GAD1: variants seen among roughly 807,000 people sequenced by gnomAD.
GAD1 encodes glutamate decarboxylase 1.
Under a neutral mutation model 75.2 loss-of-function variants are expected in GAD1, and 35 were observed. The observed-to-expected ratio is 0.47, with a 90% CI of 0.36 to 0.62. GAD1 has a LOEUF of 0.62. Among genes scored for constraint, GAD1 ranks in the 20% least tolerant of loss-of-function variants. The pLI is 0.00. For missense variants in GAD1, 490 were observed against 758.5 expected (o/e 0.65, Z 4.16); for synonymous variants, 257 against 271.9 (o/e 0.95, Z 0.54).
intron 6 of GAD1, among the ~76,000 whole-genome samples, chr2:170,839,529 A>C (rs1045966366): frequency 6.6e-6 from 1 of 151,534 alleles, no homozygotes; most frequent in African/African-American, 2.4e-5. Flanking sequence ...CAGGAGAATC[A>C]CTTGAGCCTG....
rs1702209194 is a variant in GAD1, at chr2:170,831,122, T to C, written c.477T>C (p.Ser159=). The C allele has an allele frequency of 2.5e-6, 4 of 1,614,078 alleles. No individual in the cohort carries two copies. The Admixed American group carries it at 6.7e-5, about 27-fold the overall frequency. Residue 159 remains serine, a synonymous_variant, in exon 5 of 17, where the codon TCT becomes TCC. Coordinates refer to ENST00000358196, the MANE Select transcript of GAD1 (RefSeq NM_000817.3). ...TGGAGGGCTTCAACTTGGAGCTCTC[T>C]GACCACCCCGAGTCCCTGGAGCAGA... The part of the protein sequence containing the change: ...EGMEGFNLEL[S]DHPESLEQIL...
At chr2:170,847,193 A>T (rs1013895342) in intron 10 of GAD1, among the ~76,000 whole-genome samples, 1 of 152,250 alleles carries the variant, frequency 6.6e-6, no homozygotes, top group African/African-American at 2.4e-5. Flanking sequence ...TATAATTATT[A>T]TATCAATACA....
intron 12 of GAD1, among the ~76,000 whole-genome samples, chr2:170,852,191 A>C (rs1421754990): frequency 2.6e-5 from 4 of 152,188 alleles, no homozygotes; most frequent in Non-Finnish European, 5.9e-5. Flanking sequence ...CCCATCTAAA[A>C]CAGAGGTAAT....
At chr2:170,819,045 AAG>A (rs745699026) in intron 2 of GAD1, among the ~76,000 whole-genome samples, 1 of 152,138 alleles carries the variant, frequency 6.6e-6, no homozygotes, top group Non-Finnish European at 1.5e-5. Flanking sequence ...CAGCAGGAAT[AAG>A]AGTTTTCAGT....
At chr2:170,829,753 C>T (rs1396317804) in intron 4 of GAD1, 120 bp downstream of exon 4, 5 of 1,112,810 alleles carry the variant, frequency 4.5e-6, no homozygotes, top group East Asian at 5.1e-5. Flanking sequence ...TCTGAACCCA[C>T]ATGAAACTGC....
At chr2:170,840,028 A>T (rs529911429) in intron 6 of GAD1, among the ~76,000 whole-genome samples, 1 of 152,224 alleles carries the variant, frequency 6.6e-6, no homozygotes, top group Non-Finnish European at 1.5e-5. Flanking sequence ...CTCGTTTGTC[A>T]TGGAAAAGCA....
intron 3 of GAD1, chr2:170,829,274 T>C (rs1178082593): frequency 1.6e-6 from 1 of 612,486 alleles, no homozygotes; most frequent in Non-Finnish European, 2.9e-6. Flanking sequence ...ACTGGGCCTC[T>C]GCCACTGATG....
In GAD1 at chr2:170,821,849, G is replaced by A. The variant is rs202012039; in HGVS notation, c.83-238G>A. On this transcript the variant is annotated intron_variant, in intron 2 of 16. Coordinates refer to ENST00000358196, the MANE Select transcript of GAD1 (RefSeq NM_000817.3). ...GGCCCGGAGGGGCGCCGGGTGCCCC[G>A]CCTCTCAGAGACACCGTTCCATATT... 20 of 545,430 alleles carry A rather than the reference G, an allele frequency of 3.7e-5. No individual in the cohort carries two copies. In the East Asian group the frequency reaches 4.7e-4, roughly 13 times the overall value. The allele number at this position is 545,430 out of a possible 1,614,324, so 33.8% of individuals were successfully genotyped here.
intron 16 of GAD1, among the ~76,000 whole-genome samples, 155 bp downstream of exon 16, chr2:170,859,048 A>G (rs991901467): frequency 6.6e-6 from 1 of 152,098 alleles, no homozygotes; most frequent in Non-Finnish European, 1.5e-5. Flanking sequence ...CCATCCTGTT[A>G]TATTCCTCTT....
chr2:170,852,393 T>TA, intron 12 of GAD1: 1 of 394,250 alleles, frequency 2.5e-6, no homozygotes, highest in Non-Finnish European at 4.8e-6. Flanking sequence ...GACTCAGACT[T>TA]AAACAGTTTG....
intron 3 of GAD1, among the ~76,000 whole-genome samples, chr2:170,826,170 G>A (rs1456856572): frequency 6.6e-6 from 1 of 152,214 alleles, no homozygotes; most frequent in Non-Finnish European, 1.5e-5. Context: ...TTATAATGCA[G>A]TGTAAGTGTG....
rs777912966 is a variant in GAD1 at position 170,829,476 on chromosome 2, C to T, written c.147C>T (p.Gly49=). The T allele has an allele frequency of 1.2e-6, 2 of 1,611,972 alleles. No homozygotes were observed. The highest frequency in any genetic ancestry group is 1.3e-5 in the African/African-American group (1 of 74,848). The change falls in exon 4 of 17, where the codon GGC becomes GGT. Residue 49 remains glycine, a splice_region_variant and synonymous_variant. Coordinates refer to ENST00000358196, the MANE Select transcript of GAD1 (RefSeq NM_000817.3). ...CTRKLGLKIC[G]FLQRTNSLEE... ...TCTGACCAGCTTCTTGTGCCATAGG[C>T]TTCTTGCAAAGGACCAACAGCCTGG... is the stretch of plus-strand genomic sequence containing the variant.
chr2:170,853,767 A>G lies in GAD1; in HGVS notation c.1264-106A>G. 2.8e-6 allele frequency: 3 copies of G among 1,087,384 alleles called. No homozygotes were observed. The highest frequency in any genetic ancestry group is 4.2e-6 in the Non-Finnish European group (3 of 706,538). 67.4% of individuals were successfully genotyped at this position (1,087,384 alleles called of 1,614,324 possible). Reference sequence around the variant, plus strand: ...AGGCCTCATAAAGACATCAGAAGAAAGATTGCATATGACCCCAAGCCCCTC... The same window carrying G: ...AGGCCTCATAAAGACATCAGAAGAAGGATTGCATATGACCCCAAGCCCCTC... On this transcript the variant is annotated intron_variant, in intron 13 of 16. Coordinates refer to ENST00000358196, the MANE Select transcript of GAD1 (RefSeq NM_000817.3). This position sits in a 1 kb window ranked among gnomAD's most constrained non-coding sequence, Gnocchi z 4.1.
At chr2:170,822,621 A>G (rs1008535278) in intron 3 of GAD1, among the ~76,000 whole-genome samples, 2 of 152,180 alleles carry the variant, frequency 1.3e-5, no homozygotes, top group African/African-American at 2.4e-5. Context: ...CCCATCCCCT[A>G]CATCATCGCC....
intron 11 of GAD1, among the ~76,000 whole-genome samples, chr2:170,848,279 CCT>C (rs1441703059): frequency 6.6e-6 from 1 of 152,092 alleles, no homozygotes; most frequent in Non-Finnish European, 1.5e-5. Flanking sequence ...AGGTGGATCA[CCT>C]GAGGTCAGGA....
chr2:170,847,650 C>A, intron 10 of GAD1, 26 bp from the exon 11 acceptor site: 1 of 1,406,204 alleles, frequency 7.1e-7, no homozygotes, highest in South Asian at 1.2e-5. Context: ...AAATACTCAT[C>A]AGCCTATATC....
chr2:170,853,628 T>C lies in GAD1; in HGVS notation c.1264-245T>C. 1 of 487,600 alleles carries C rather than the reference T, an allele frequency of 2.1e-6. No homozygotes were observed. The highest frequency in any genetic ancestry group is 3.8e-6 in the Non-Finnish European group (1 of 264,814). The allele number at this position is 487,600 out of a possible 1,614,324, so 30.2% of individuals were successfully genotyped here. Reference sequence around the variant, plus strand: ...CCCAGACACCCATACACATTTCCCCTTAGAGGGATGGCATCTGAGACGGAA... The same window carrying C: ...CCCAGACACCCATACACATTTCCCCCTAGAGGGATGGCATCTGAGACGGAA... On this transcript the variant is annotated intron_variant, in intron 13 of 16. Coordinates refer to ENST00000358196, the MANE Select transcript of GAD1 (RefSeq NM_000817.3). The surrounding 1 kb of genome is among the most constrained non-coding windows in gnomAD (Gnocchi z 4.1).
chr2:170,823,200 G>A (rs1001408380), intron 3 of GAD1, among the ~76,000 whole-genome samples: 1 of 152,208 alleles, frequency 6.6e-6, no homozygotes, highest in Non-Finnish European at 1.5e-5. Flanking sequence ...GCTCCTGCGC[G>A]CGGGAGATAG....
upstream of GAD1, chr2:170,816,198 A>G (rs1011351463): frequency 6.6e-6 from 1 of 152,542 alleles, no homozygotes; most frequent in Non-Finnish European, 1.5e-5. Flanking sequence ...GAGCGAGCGC[A>G]TAGCAAAAGG....
Sources: allele counts gnomAD v4.1 joint callset (sites outside exome capture counted in the v4.1 genomes callset), GRCh38; gene constraint gnomAD v4.1.1; non-coding constraint Gnocchi (gnomAD v3.1); transcripts MANE v1.5; gene names NCBI Gene and HGNC (gene_info 2026-07-23, HGNC 2026-07-21).